Variants in UFL1 observed in about 807,000 individuals in gnomAD.
The protein encoded by UFL1 is E3 UFM1-protein ligase 1.
UFL1 carries 78 observed loss-of-function variants against 99.3 expected under a neutral mutation model. That is an observed-to-expected ratio of 0.79 (90% confidence interval 0.65 to 0.95). The LOEUF is 0.95. UFL1 is among the 40% of genes least tolerant of loss of function. The pLI is 0.00. For synonymous variants in UFL1, 335 were observed against 322.2 expected, an observed-to-expected ratio of 1.04 and a Z score of -0.42; for missense variants, 936 against 937.0, an observed-to-expected ratio of 1.00 and a Z score of 0.01.
At chr6:96,525,182 A>G (rs929076306) in intron 3 of UFL1, 115 bp from the exon 4 acceptor site, 1 of 757,520 alleles carries the variant, frequency 1.3e-6, no homozygotes, top group African/African-American at 1.9e-5. Flanking sequence ...GAATCCAGGC[A>G]TGAGCCACCA....
rs771090471 is a variant in UFL1 at position 96,549,665 on chromosome 6, C to T, written c.1688-4C>T. ...AGTTTTAATAAAGGTCCTTTATTTTCCAGATGACACACAGGCTGCTCTTAC... is the reference window on the plus strand; with the variant it reads ...AGTTTTAATAAAGGTCCTTTATTTTTCAGATGACACACAGGCTGCTCTTAC... On this transcript the variant is annotated splice_region_variant and splice_polypyrimidine_tract_variant and intron_variant, in intron 14 of 18. Transcript: ENST00000369278. 1.4e-5 allele frequency: 23 copies of T among 1,600,462 alleles called. No individual in the cohort carries two copies. In the South Asian group the frequency reaches 2.4e-4, roughly 17 times the overall value.
At position 96,553,379 on chromosome 6, in the gene UFL1, A is replaced by G; in HGVS notation, c.2261A>G (p.Asn754Ser). ...KKTGQGDYPL[N>S]NELDKEQEDV... ...ACTGGGCAGGGAGATTATCCCTTGA[A>G]TAATGAATTAGACAAAGAACAAGAA... The change falls in exon 19 of 19, where the codon AAT becomes AGT. Residue 754 changes from asparagine to serine, a missense_variant. Asn to Ser is a conservative substitution (Grantham distance 46). Coordinates refer to ENST00000369278, the MANE Select transcript of UFL1 (RefSeq NM_015323.5). 6.2e-7 allele frequency: 1 copy of G among 1,613,856 alleles called. No homozygotes were observed. The highest frequency in any genetic ancestry group is 8.5e-7 in the Non-Finnish European group (1 of 1,179,832).
chr6:96,541,593 A>C (rs924356742), intron 11 of UFL1, among the ~76,000 whole-genome samples: 1 of 150,586 alleles, frequency 6.6e-6, no homozygotes, highest in African/African-American at 2.4e-5. Context: ...AAATTTCTCT[A>C]TTCTTCCAGG....
chr6:96,546,865 G>T (rs190650687), intron 12 of UFL1, among the ~76,000 whole-genome samples: 230 of 151,520 alleles, frequency 1.5e-3, no homozygotes, highest in Non-Finnish European at 2.8e-3. Context: ...TATTTAGAAT[G>T]TAAGACATGA....
intron 12 of UFL1, 33 bp downstream of exon 12, chr6:96,543,049 A>G (rs775828028): frequency 1.3e-6 from 2 of 1,559,120 alleles, no homozygotes; most frequent in Admixed American, 2.0e-5. Flanking sequence ...TCCTTGGTGT[A>G]TGTGTGATAT....
chr6:96,535,730 TCTTA>T (rs985270661), intron 7 of UFL1, among the ~76,000 whole-genome samples: 8 of 152,162 alleles, frequency 5.3e-5, no homozygotes, highest in African/African-American at 1.4e-4. Context: ...GGCTGAAATG[TCTTA>T]CTTCAACGTA....
At chr6:96,546,970 C>T (rs1439450822) in intron 12 of UFL1, among the ~76,000 whole-genome samples, 1 of 151,380 alleles carries the variant, frequency 6.6e-6, no homozygotes, top group Non-Finnish European at 1.5e-5. Context: ...AGCAAATGCA[C>T]CAAAACCAAA....
chr6:96,525,299 A>T lies in UFL1; in HGVS notation c.255A>T (p.Val85=), dbSNP rs1191498341. 6.3e-7 allele frequency: 1 copy of T among 1,584,530 alleles called. No homozygotes were observed. The highest frequency in any genetic ancestry group is 1.8e-5 in the Admixed American group (1 of 56,588). The change falls in exon 4 of 19, where the codon GTA becomes GTT. Residue 85 remains valine (V), a splice_region_variant and synonymous_variant. Transcript: ENST00000369278. ...TAGATTTTGTATTTGTTTTCCAGGT[A>T]ATTAATGTGGACCTGATTCATATTG... ...GRVNIVDLQQ[V]INVDLIHIEN...
rs538651258 is a variant in UFL1 at position 96,530,643 on chromosome 6, T to TA, written c.596+2011_596+2012insA. 1.2e-4 allele frequency among the ~76,000 whole-genome samples: 18 copies of TA among 152,312 alleles called. 1 individual carries two copies. In the South Asian group the frequency reaches 3.1e-3, roughly 26 times the overall value. Reference sequence around the variant, plus strand: ...TTCATACTGGCCCTGATTTAGCTAGTGGTAGCGCCTGCAGGTTGCCTTTTG... The same window carrying TA: ...TTCATACTGGCCCTGATTTAGCTAGTAGGTAGCGCCTGCAGGTTGCCTTTTG... On this transcript the variant is annotated intron_variant, in intron 6 of 18. Coordinates refer to ENST00000369278, the MANE Select transcript of UFL1 (RefSeq NM_015323.5).
At position 96,553,525 on chromosome 6, in the gene UFL1, A is replaced by G. The variant is rs765887528; in HGVS notation, c.*22A>G. The G allele has an allele frequency of 1.2e-5, 20 of 1,604,352 alleles. No homozygotes were observed. Among genetic ancestry groups the G allele is most frequent in the Admixed American group, 3.4e-5 (2 of 59,234 alleles). ...GTAATGATCTTAATTTACATTTGTC[A>G]TATAGTAAGCATTTTCCCCCAAGGT... On this transcript the variant is annotated 3_prime_UTR_variant, in exon 19 of 19. Transcript: ENST00000369278.
At chr6:96,531,968 C>CT (rs746512824) in intron 6 of UFL1, among the ~76,000 whole-genome samples, 15 of 152,266 alleles carry the variant, frequency 9.9e-5, no homozygotes, top group African/African-American at 3.6e-4. Flanking sequence ...CTTTTCTAGT[C>CT]TAACTTCAAA....
Position 96,536,277 on chromosome 6 carries a change from T to G in UFL1, c.689T>G (p.Leu230Ter). The G allele has an allele frequency of 1.9e-6, 3 of 1,610,494 alleles. No homozygotes were observed. The highest frequency in any genetic ancestry group is 1.7e-6 in the Non-Finnish European group (2 of 1,177,464). Residue 230 changes from leucine to a stop codon, truncating the protein, a stop_gained, in exon 8 of 19, where the codon TTA becomes TGA. Transcript: ENST00000369278. LOFTEE classifies it high-confidence loss of function. The part of the protein sequence containing the change: ...VLEELVNSGR[L>*]RGTVVGGRQD... ...GAGGAACTTGTTAATAGCGGACGCT[T>G]ACGAGGCACTGTGGTTGGTGGGAGA...
Position 96,523,246 on chromosome 6 carries a change from G to T in UFL1, c.178G>T (p.Ala60Ser), listed in dbSNP as rs1582435468. The change falls in exon 2 of 19, where the codon GCC (alanine) becomes TCC (serine). Residue 60 changes from alanine (A) to serine (S), a missense_variant. Coordinates refer to ENST00000369278, the MANE Select transcript of UFL1 (RefSeq NM_015323.5). ...TLDGKEYITPAQISKEMRDEL... is the reference protein window; with the variant it reads ...TLDGKEYITPSQISKEMRDEL... ...CGATGGAAAGGAATATATTACTCCA[G>T]CCCAAATTAGTAAAGAAATGAGAGA... 1 of 1,611,160 alleles carries T rather than the reference G, an allele frequency of 6.2e-7. No individual in the cohort carries two copies. Among genetic ancestry groups the T allele is most frequent in the Non-Finnish European group, 8.5e-7 (1 of 1,178,772 alleles).
In UFL1 at chr6:96,521,829, T is replaced by A. The variant is rs568507071; in HGVS notation, c.-45T>A. The A allele has an allele frequency of 1.9e-6, 3 of 1,585,772 alleles. No homozygotes were observed. Among genetic ancestry groups the A allele is most frequent in the East Asian group, 4.6e-5 (2 of 43,482 alleles). On this transcript the variant is annotated 5_prime_UTR_variant, in exon 1 of 19. Transcript: ENST00000369278. ...CTCTCTTCTCCCACCGCCTGTCGGCTGACGTGTCTGCAGTTCCTCCGCGTC... is the reference window on the plus strand; with the variant it reads ...CTCTCTTCTCCCACCGCCTGTCGGCAGACGTGTCTGCAGTTCCTCCGCGTC...
chr6:96,535,698 A>G (rs1419538597), intron 7 of UFL1, among the ~76,000 whole-genome samples: 2 of 152,022 alleles, frequency 1.3e-5, no homozygotes, highest in Non-Finnish European at 2.9e-5. Flanking sequence ...TAACCAAGGC[A>G]TTACACTTCT....
rs1365616270 is a variant in UFL1, at chr6:96,540,560, T to C, written c.1184T>C (p.Leu395Ser). The change falls in exon 11 of 19, where the codon TTA becomes TCA. Residue 395 changes from leucine (L) to serine (S), a missense_variant. Physicochemically the swap from Leu to Ser is moderately radical, Grantham distance 145. Transcript: ENST00000369278. ...EKEMKNNPVH[L>S]ITEEDLKQIS... ...GAAATGAAAAATAATCCTGTGCATT[T>C]AATCACTGAAGAAGATCTGAAACAA... 1 of 1,606,004 alleles carries C rather than the reference T, an allele frequency of 6.2e-7. No homozygotes were observed. Among genetic ancestry groups the C allele is most frequent in the Non-Finnish European group, 8.5e-7 (1 of 1,176,106 alleles).
chr6:96,536,246 G>A lies in UFL1; in HGVS notation c.658G>A (p.Val220Met), dbSNP rs1169937908. ...TATTCATGTGGGTTTGTTTTAAGCT[G>A]TGCTTGAGGAACTTGTTAATAGCGG... is the stretch of plus-strand genomic sequence containing the variant. Reference protein sequence around the residue: ...YGFQEQLLYSVLEELVNSGRL... With the variant: ...YGFQEQLLYSMLEELVNSGRL... The change falls in exon 8 of 19, where the codon GTG (valine) becomes ATG (methionine). Residue 220 changes from valine (V) to methionine (M), a missense_variant and splice_region_variant. Transcript: ENST00000369278. 1.2e-6 allele frequency: 2 copies of A among 1,608,462 alleles called. No homozygotes were observed. The highest frequency in any genetic ancestry group is 4.5e-5 in the East Asian group (2 of 44,800).
intron 15 of UFL1, 68 bp downstream of exon 15, chr6:96,549,867 C>A: frequency 6.5e-7 from 1 of 1,544,888 alleles, no homozygotes; most frequent in Non-Finnish European, 8.7e-7. Flanking sequence ...TTTATTTTAT[C>A]TTATTTGGAG....
At position 96,553,603 on chromosome 6, in the gene UFL1, C is replaced by A; in HGVS notation, c.*100C>A. 4 of 823,050 alleles carry A rather than the reference C, an allele frequency of 4.9e-6. No individual in the cohort carries two copies. The highest frequency in any genetic ancestry group is 3.8e-6 in the Non-Finnish European group (2 of 524,394). 51.0% of individuals were successfully genotyped at this position (823,050 alleles called of 1,614,324 possible). A position where few individuals can be genotyped will look rare whatever the true frequency, so the allele number is the denominator to read the frequency against. On this transcript the variant is annotated 3_prime_UTR_variant, in exon 19 of 19. Coordinates refer to ENST00000369278, the MANE Select transcript of UFL1 (RefSeq NM_015323.5). The stretch of plus-strand genomic sequence containing the variant: ...TCACTATACAACTCCCCTCTCCCTG[C>A]AAAAACCACCTCATACACACACAAT...
Sources: gnomAD v4.1 joint callset for allele counts (sites outside exome capture counted in the v4.1 genomes callset) on GRCh38, gnomAD v4.1.1 for gene constraint, MANE v1.5 for transcripts, NCBI Gene and HGNC (gene_info 2026-07-23, HGNC 2026-07-21) for gene names.